The following BMP7 variants were observed in gnomAD, a reference collection of about 807,000 sequenced individuals.
The protein encoded by BMP7 is bone morphogenetic protein 7, also known as osteogenic protein 1.
A neutral mutation model predicts 41.2 loss-of-function variants in BMP7; 12 were observed. The observed-to-expected ratio is 0.29, with a 90% confidence interval of 0.19 to 0.47. BMP7 has a LOEUF of 0.47. BMP7 is among the 20% of genes least tolerant of loss of function. The pLI, the probability that BMP7 is intolerant of heterozygous loss-of-function variation, is 0.99. For synonymous variants in BMP7, 248 were observed against 250.0 expected (o/e 0.99, Z 0.07); for missense variants, 467 against 606.0 (o/e 0.77, Z 2.41).
At chr20:57,191,435 C>T (rs1282901571) in intron 3 of BMP7, among the ~76,000 whole-genome samples, 5 of 152,100 alleles carry the variant, frequency 3.3e-5, no homozygotes, top group East Asian at 1.9e-4. Context: ...TGGTGGCTAA[C>T]GCCTATAATC....
intron 3 of BMP7, among the ~76,000 whole-genome samples, chr20:57,191,968 T>C (rs1335963266): frequency 7.8e-6 from 1 of 127,456 alleles, no homozygotes; most frequent in African/African-American, 3.1e-5. Flanking sequence ...TACCACATAA[T>C]ATAGTATATT....
chr20:57,212,204 G>A (rs928752972), intron 2 of BMP7, among the ~76,000 whole-genome samples: 5 of 152,218 alleles, frequency 3.3e-5, no homozygotes, highest in African/African-American at 9.6e-5. Context: ...CGGGGAGGAC[G>A]TTTTATAGAA....
At chr20:57,241,463 T>A (rs964952816) in intron 1 of BMP7, among the ~76,000 whole-genome samples, 2 of 152,046 alleles carry the variant, frequency 1.3e-5, no homozygotes, top group Admixed American at 6.5e-5. Flanking sequence ...GGCCCCCAGA[T>A]TGGGGGGCAG....
rs567663572 is a variant in BMP7, at chr20:57,246,984, A to G, written c.419-18563T>C. 1.4e-4 allele frequency among the ~76,000 whole-genome samples: 15 copies of G among 110,082 alleles called. No homozygotes were observed. In the South Asian group the frequency reaches 3.5e-3, roughly 26 times the overall value. The allele number at this position is 110,082 out of a possible 152,430, so 72.2% of individuals were successfully genotyped here. ...AGCCTGGGTGACAGAGCGAGACTCCATCTCAAAAAAAAACCAAAAGAGGAC... is the reference window on the plus strand; with the variant it reads ...AGCCTGGGTGACAGAGCGAGACTCCGTCTCAAAAAAAAACCAAAAGAGGAC... On this transcript the variant is annotated intron_variant, in intron 1 of 6. Coordinates refer to ENST00000395863, the MANE Select transcript of BMP7 (RefSeq NM_001719.3).
intron 1 of BMP7, among the ~76,000 whole-genome samples, chr20:57,251,869 G>T (rs2066115257): frequency 6.6e-6 from 1 of 152,234 alleles, no homozygotes; most frequent in African/African-American, 2.4e-5. Context: ...GGGAGGCAGA[G>T]GTTGCAGTGA....
At chr20:57,178,197 G>A (rs1021319542) in intron 4 of BMP7, among the ~76,000 whole-genome samples, 1 of 152,208 alleles carries the variant, frequency 6.6e-6, no homozygotes, top group South Asian at 2.1e-4. Context: ...CCTGCATGAC[G>A]ATGCTGAGCA....
chr20:57,258,608 C>T (rs2066142865), intron 1 of BMP7, among the ~76,000 whole-genome samples: 1 of 152,198 alleles, frequency 6.6e-6, no homozygotes, highest in African/African-American at 2.4e-5. Flanking sequence ...TACCCTCTCA[C>T]TGAGTTCCAG....
rs1268046781 is a variant in BMP7, at chr20:57,171,123, A to C, written c.1147-15T>G. The C allele has an allele frequency of 6.2e-7, 1 of 1,614,194 alleles. No homozygotes were observed. On this transcript the variant is annotated splice_polypyrimidine_tract_variant and intron_variant, in intron 6 of 6. Transcript: ENST00000395863. The surrounding 1 kb of genome is among the most constrained non-coding windows in gnomAD (Gnocchi z 4.5). ...ATGAAGTGGACCTGAAACACACACC[A>C]AAACATGGGCAGTGGTGAGAAGCGG...
intron 1 of BMP7, among the ~76,000 whole-genome samples, chr20:57,233,079 AAT>A (rs1329231844): frequency 6.6e-6 from 1 of 152,144 alleles, no homozygotes; most frequent in Non-Finnish European, 1.5e-5. Context: ...TTCAGGTGAA[AAT>A]ATGTCTTTAT....
chr20:57,222,119 C>T (rs1442553984), intron 2 of BMP7, among the ~76,000 whole-genome samples: 8 of 152,142 alleles, frequency 5.3e-5, no homozygotes, highest in African/African-American at 1.2e-4. Flanking sequence ...CTTCACTGAA[C>T]GTGATATAAC....
chr20:57,196,387 A>C (rs230189), intron 3 of BMP7, among the ~76,000 whole-genome samples: 95,139 of 152,028 alleles, frequency 0.63, 30,716 homozygotes, highest in African/African-American at 0.78. Context: ...TCCTGGTCGG[A>C]CTCCTCCTAG....
intron 1 of BMP7, among the ~76,000 whole-genome samples, chr20:57,256,713 T>G (rs535474249): frequency 6.6e-6 from 1 of 151,576 alleles, no homozygotes; most frequent in Admixed American, 6.6e-5. Context: ...CTACTAAAAA[T>G]AAAAAATAAA....
At chr20:57,238,624 G>A (rs2066056574) in intron 1 of BMP7, among the ~76,000 whole-genome samples, 1 of 151,698 alleles carries the variant, frequency 6.6e-6, no homozygotes, top group Non-Finnish European at 1.5e-5. Context: ...GTGATTTTCT[G>A]TTCTGTTTTG....
At chr20:57,192,206 T>A (rs552936845) in intron 3 of BMP7, among the ~76,000 whole-genome samples, 26 of 128,572 alleles carry the variant, frequency 2.0e-4, no homozygotes, top group Non-Finnish European at 1.6e-5. Flanking sequence ...ATATATACTA[T>A]TACATATTAT....
At chr20:57,198,913 C>T (rs1374344101) in intron 3 of BMP7, among the ~76,000 whole-genome samples, 2 of 152,144 alleles carry the variant, frequency 1.3e-5, no homozygotes, top group Non-Finnish European at 2.9e-5. Flanking sequence ...AGGAGGTGTC[C>T]GGGCTCCAAA....
In BMP7 at chr20:57,202,349, A is replaced by G. The variant is rs1414847911; in HGVS notation, c.760+126T>C. 13 of 1,300,226 alleles carry G rather than the reference A, an allele frequency of 1.0e-5. No individual in the cohort carries two copies. The East Asian group carries it at 3.3e-4, about 33-fold the overall frequency. The allele number at this position is 1,300,226 out of a possible 1,614,324, so 80.5% of individuals were successfully genotyped here. On this transcript the variant is annotated intron_variant, in intron 3 of 6. Coordinates refer to ENST00000395863, the MANE Select transcript of BMP7 (RefSeq NM_001719.3). The stretch of plus-strand genomic sequence containing the variant: ...TCTGGTTTGGATCAAAAGGCTGAAC[A>G]TGGAGTACTGGTTGGGAGGGGCGGG...
At chr20:57,262,162 T>C (rs1166704531) in intron 1 of BMP7, among the ~76,000 whole-genome samples, 1 of 152,228 alleles carries the variant, frequency 6.6e-6, no homozygotes, top group African/African-American at 2.4e-5. Context: ...CTGCTGGATC[T>C]TCCCAGAGAA....
At chr20:57,202,707 T>C (rs965332917) in intron 2 of BMP7, 84 bp from the exon 3 acceptor site, 15 of 531,462 alleles carry the variant, frequency 2.8e-5, no homozygotes, top group Non-Finnish European at 4.2e-5. Flanking sequence ...CAGAGCCTCA[T>C]GGGGTGGGAG....
intron 4 of BMP7, among the ~76,000 whole-genome samples, chr20:57,177,537 G>A (rs1029260183): frequency 2.0e-5 from 3 of 152,096 alleles, no homozygotes; most frequent in East Asian, 3.9e-4. Context: ...TAGTAGAGAC[G>A]GGGTTTCACC....
Sources: gnomAD v4.1 joint callset for allele counts (sites outside exome capture counted in the v4.1 genomes callset) on GRCh38, gnomAD v4.1.1 for gene constraint, Gnocchi (gnomAD v3.1) non-coding constraint, MANE v1.5 for transcripts, NCBI Gene and HGNC (gene_info 2026-07-23, HGNC 2026-07-21) for gene names.